Variants in TET1 observed in about 807,000 individuals in gnomAD.
TET1 encodes the protein tet methylcytosine dioxygenase 1, also known as methylcytosine dioxygenase TET1.
Under a neutral mutation model 148.7 loss-of-function variants are expected in TET1, and 13 were observed. That is an observed-to-expected ratio of 0.09 (90% CI 0.06 to 0.14). TET1 has a LOEUF of 0.14. TET1 is among the 10% of genes least tolerant of loss of function. TET1 has a pLI of 1.00. For synonymous variants in TET1, 907 were observed against 937.2 expected (o/e 0.97, Z 0.59); for missense variants, 2,182 against 2,553.8 (o/e 0.85, Z 3.14).
chr10:68,584,514 G>C (rs908588511), intron 2 of TET1, among the ~76,000 whole-genome samples: 5 of 151,070 alleles, frequency 3.3e-5, no homozygotes, highest in African/African-American at 1.2e-4. Context: ...TTCGAGACCA[G>C]CCTGGCCAAC....
Position 68,645,857 on chromosome 10 carries a change from A to G in TET1, c.3128A>G (p.Asn1043Ser), listed in dbSNP as rs1345783470. ...NDLHQLPPRN[N>S]EVEYCNQLLD... ...TTGCATCAGTTGCCACCAAGAAATA[A>G]TGAAGTGGAGTATTGCAACCAGTTA... The change falls in exon 4 of 12, where the codon AAT becomes AGT. Residue 1043 changes from asparagine to serine, a missense_variant. Asn to Ser is a conservative substitution (Grantham distance 46, BLOSUM62 1). Transcript: ENST00000373644. The G allele has an allele frequency of 1.9e-6, 3 of 1,614,222 alleles. No homozygotes were observed. Among genetic ancestry groups the G allele is most frequent in the East Asian group, 2.2e-5 (1 of 44,876 alleles).
intron 3 of TET1, among the ~76,000 whole-genome samples, chr10:68,640,498 G>A (rs1458586815): frequency 4.8e-5 from 7 of 145,414 alleles, no homozygotes; most frequent in South Asian, 4.3e-4. Context: ...TCCTGAACTC[G>A]TGAGCCACTG....
At position 68,606,618 on chromosome 10, in the gene TET1, C is replaced by A. The variant is rs549496787; in HGVS notation, c.1968+5584C>A. 2.1e-4 allele frequency among the ~76,000 whole-genome samples: 31 copies of A among 146,868 alleles called. 1 individual carries two copies. In the South Asian group the frequency reaches 2.7e-3, roughly 13 times the overall value. On this transcript the variant is annotated intron_variant, in intron 3 of 11. Transcript: ENST00000373644. ...GGAAAAACAAAAACAAAAAAAAAAACACATGTCATTTTGATAGGTCCTTAT... is the reference window on the plus strand; with the variant it reads ...GGAAAAACAAAAACAAAAAAAAAAAAACATGTCATTTTGATAGGTCCTTAT...
At chr10:68,688,793 C>T (rs927175525) in intron 11 of TET1, among the ~76,000 whole-genome samples, 2 of 151,816 alleles carry the variant, frequency 1.3e-5, no homozygotes, top group African/African-American at 2.4e-5. Context: ...AATTCTGCCC[C>T]ATATTTAAAA....
At chr10:68,683,664 G>A (rs969781153) in intron 10 of TET1, among the ~76,000 whole-genome samples, 2 of 152,150 alleles carry the variant, frequency 1.3e-5, no homozygotes, top group African/African-American at 4.8e-5. Context: ...CGCCCACCTT[G>A]GCCTCCCAAA....
intron 8 of TET1, chr10:68,674,792 T>C: frequency 1.0e-5 from 5 of 485,728 alleles, no homozygotes; most frequent in East Asian, 1.1e-4. Flanking sequence ...TTAGCACCAA[T>C]GTTTCGGCCA....
chr10:68,648,652 C>T (rs1400706657), intron 4 of TET1, among the ~76,000 whole-genome samples: 2 of 152,182 alleles, frequency 1.3e-5, no homozygotes, highest in Non-Finnish European at 2.9e-5. Flanking sequence ...GATTTTTTAA[C>T]AACAGTAGAA....
intron 4 of TET1, among the ~76,000 whole-genome samples, chr10:68,648,234 G>A (rs1213500587): frequency 6.6e-6 from 1 of 152,158 alleles, no homozygotes; most frequent in East Asian, 1.9e-4. Flanking sequence ...GCTGGGTAAA[G>A]ATTCTCAGGC....
rs187521712 is a variant in TET1, at chr10:68,689,562, G to A, written c.5405-1246G>A. Among the ~76,000 whole-genome samples the A allele has an allele frequency of 1.9e-3, 288 of 152,168 alleles. 5 individuals are homozygous for A. The highest frequency in any genetic ancestry group is 0.016 in the Admixed American group (246 of 15,272). On this transcript the variant is annotated intron_variant, in intron 11 of 11. Coordinates refer to ENST00000373644, the MANE Select transcript of TET1 (RefSeq NM_030625.3). ...CTAAAATACAAAAAATTAGCCAGGCGTGGTGGAGATTGAGACCATCCTGGC... is the reference window on the plus strand; with the variant it reads ...CTAAAATACAAAAAATTAGCCAGGCATGGTGGAGATTGAGACCATCCTGGC...
intron 3 of TET1, among the ~76,000 whole-genome samples, chr10:68,624,664 C>T (rs1187412664): frequency 0.14 from 11,795 of 84,246 alleles, 684 homozygotes; most frequent in African/African-American, 0.18. Flanking sequence ...TTCTTTCTCT[C>T]TCTCTCTCTC....
At chr10:68,675,915 G>A (rs1403211109) in intron 8 of TET1, among the ~76,000 whole-genome samples, 1 of 152,068 alleles carries the variant, frequency 6.6e-6, no homozygotes, top group Non-Finnish European at 1.5e-5. Context: ...ACGTGCAATG[G>A]CTTGATCTCG....
chr10:68,617,793 G>T (rs956772834), intron 3 of TET1, among the ~76,000 whole-genome samples: 2 of 151,526 alleles, frequency 1.3e-5, no homozygotes, highest in South Asian at 2.1e-4. Flanking sequence ...TGATCCACCC[G>T]CCTCGACCTC....
chr10:68,632,946 A>T (rs538659664), intron 3 of TET1, among the ~76,000 whole-genome samples: 28 of 150,414 alleles, frequency 1.9e-4, no homozygotes, highest in African/African-American at 6.6e-4. Flanking sequence ...TTGAATTTTA[A>T]AAAAAAAAGG....
In TET1 at chr10:68,694,366, T is replaced by G; in HGVS notation, c.*2552T>G. ...CCCATTCTCTGCCCTGTGATTTTTT[T>G]TAAAAGCTTATTCAATGTTCTGCAG... On this transcript the variant is annotated 3_prime_UTR_variant, in exon 12 of 12. Transcript: ENST00000373644. 1 of 232,662 alleles carries G rather than the reference T, an allele frequency of 4.3e-6. No homozygotes were observed. 14.4% of individuals were successfully genotyped at this position (232,662 alleles called of 1,614,324 possible).
intron 3 of TET1, among the ~76,000 whole-genome samples, chr10:68,634,609 C>T (rs1461508540): frequency 6.6e-6 from 1 of 152,116 alleles, no homozygotes; most frequent in Non-Finnish European, 1.5e-5. Context: ...GTTCTTGATA[C>T]TGATCTGAAT....
chr10:68,614,153 T>C (rs531300171), intron 3 of TET1, among the ~76,000 whole-genome samples: 1 of 152,238 alleles, frequency 6.6e-6, no homozygotes, highest in South Asian at 2.1e-4. Context: ...CCAGGGTTTA[T>C]TTAAAGCCTG....
At chr10:68,632,936 T>C (rs1027930131) in intron 3 of TET1, among the ~76,000 whole-genome samples, 1 of 151,642 alleles carries the variant, frequency 6.6e-6, no homozygotes, top group South Asian at 2.1e-4. Flanking sequence ...TAAATGGTAT[T>C]TGAATTTTAA....
intron 2 of TET1, among the ~76,000 whole-genome samples, chr10:68,576,948 G>T (rs959418855): frequency 1.3e-5 from 2 of 150,800 alleles, no homozygotes; most frequent in South Asian, 2.1e-4. Context: ...TCACTCTGTT[G>T]CCCAGGCTGG....
At chr10:68,676,778 G>T (rs1267933105) in intron 8 of TET1, among the ~76,000 whole-genome samples, 1 of 152,076 alleles carries the variant, frequency 6.6e-6, no homozygotes, top group Non-Finnish European at 1.5e-5. Flanking sequence ...ATATCAACTG[G>T]TTCAGCCTAC....
Sources: allele counts gnomAD v4.1 joint callset (sites outside exome capture counted in the v4.1 genomes callset), GRCh38; gene constraint gnomAD v4.1.1; transcripts MANE v1.5; gene names NCBI Gene and HGNC (gene_info 2026-07-23, HGNC 2026-07-21).